Variants in CLDN14 observed in about 807,000 individuals in gnomAD.
The protein encoded by CLDN14 is claudin-14.
In CLDN14, 2 loss-of-function variants were observed where a neutral mutation model predicts 2.1. The ratio of observed to expected loss-of-function variants is 0.96; its 90% CI spans 0.39 to 3.01. The LOEUF is 3.01. CLDN14 is among the 30% of genes most tolerant of loss of function. CLDN14 has a pLI of 0.09. For synonymous variants in CLDN14, 136 were observed against 154.4 expected, an observed-to-expected ratio of 0.88 and a Z score of 0.88; for missense variants, 298 against 328.0, an observed-to-expected ratio of 0.91 and a Z score of 0.71.
rs984776225 is a variant in CLDN14, at chr21:36,531,267, A to T, written c.-219-20767T>A. On this transcript the variant is annotated intron_variant, in intron 1 of 2. Transcript: ENST00000342108. Reference sequence around the variant, plus strand: ...ATGTTATAGAAATTTTAGGGAAATAAATATATATATATTTGCTATAAATGT... The same window carrying T: ...ATGTTATAGAAATTTTAGGGAAATATATATATATATATTTGCTATAAATGT... Among the ~76,000 whole-genome samples, 4 of 151,564 alleles carry T rather than the reference A, an allele frequency of 2.6e-5. No homozygotes were observed. In the East Asian group the frequency reaches 5.8e-4, roughly 22 times the overall value.
intron 1 of CLDN14, among the ~76,000 whole-genome samples, chr21:36,515,527 T>C (rs564334255): frequency 5.9e-5 from 9 of 151,284 alleles, no homozygotes; most frequent in African/African-American, 2.2e-4. Flanking sequence ...ACAAAAATGA[T>C]CTGGGCATGG....
intron 1 of CLDN14, among the ~76,000 whole-genome samples, chr21:36,563,669 T>C (rs896209501): frequency 1.3e-5 from 2 of 152,104 alleles, no homozygotes; most frequent in African/African-American, 4.8e-5. Context: ...TATTAGAAAA[T>C]GTTGGCTCCC....
intron 1 of CLDN14, among the ~76,000 whole-genome samples, chr21:36,561,253 G>A (rs567670154): frequency 1.8e-4 from 27 of 152,318 alleles, no homozygotes; most frequent in Admixed American, 5.9e-4. Flanking sequence ...TCAGGGACAG[G>A]GAGAAGAGAC....
At position 36,504,951 on chromosome 21, in the gene CLDN14, T is replaced by C. The variant is rs199620437; in HGVS notation, c.-82+5412A>G. On this transcript the variant is annotated intron_variant, in intron 2 of 2. Coordinates refer to the CLDN14 transcript ENST00000342108. ...GTCCTGAGCTTGAAGCCAAGCCCAG[T>C]GTTAACCCTGGGCATTGACCCAGGC... 3.9e-5 allele frequency among the ~76,000 whole-genome samples: 6 copies of C among 152,174 alleles called. No homozygotes were observed. The East Asian group carries it at 1.2e-3, about 29-fold the overall frequency.
chr21:36,482,305 T>C (rs1165983587), upstream of CLDN14, among the ~76,000 whole-genome samples: 3 of 151,810 alleles, frequency 2.0e-5, no homozygotes, highest in Non-Finnish European at 1.5e-5. Flanking sequence ...CTGGGTATGA[T>C]GGAAGTTAGT....
chr21:36,568,179 G>C (rs1568884079), intron 1 of CLDN14, among the ~76,000 whole-genome samples: 1 of 152,184 alleles, frequency 6.6e-6, no homozygotes, highest in Non-Finnish European at 1.5e-5. Context: ...AGGAATTGCA[G>C]GTCACCTGGG....
intron 1 of CLDN14, among the ~76,000 whole-genome samples, chr21:36,554,176 T>C (rs1199153509): frequency 6.6e-6 from 1 of 152,162 alleles, no homozygotes; most frequent in East Asian, 1.9e-4. Context: ...GTTTTGACAT[T>C]TGGAGGCCAC....
At chr21:36,537,881 C>A (rs1314710392) in intron 1 of CLDN14, among the ~76,000 whole-genome samples, 3 of 152,146 alleles carry the variant, frequency 2.0e-5, no homozygotes, top group Admixed American at 1.3e-4. Context: ...AACTCCTGAC[C>A]TAGTGATCTG....
intron 1 of CLDN14, among the ~76,000 whole-genome samples, chr21:36,531,692 GTTT>G (rs11318014): frequency 1.6e-5 from 2 of 128,578 alleles, no homozygotes; most frequent in Admixed American, 1.5e-4. Context: ...GTCTTTGTCT[GTTT>G]TTTTTTTTTT....
chr21:36,481,970 G>A (rs1483918775), upstream of CLDN14, among the ~76,000 whole-genome samples: 1 of 152,164 alleles, frequency 6.6e-6, no homozygotes, highest in Non-Finnish European at 1.5e-5. Context: ...AAATGAGGGG[G>A]TAGAGAGGCT....
chr21:36,570,537 A>C (rs1223919526), intron 1 of CLDN14, among the ~76,000 whole-genome samples: 1 of 152,220 alleles, frequency 6.6e-6, no homozygotes, highest in Non-Finnish European at 1.5e-5. Flanking sequence ...TCTAACTTCC[A>C]ATGTACAGGG....
rs2000545 is a variant in CLDN14 at position 36,499,880 on chromosome 21, C to T, written c.-82+10483G>A. 0.53 allele frequency among the ~76,000 whole-genome samples: 80,507 copies of T among 151,672 alleles called. 22,219 individuals carry two copies. The highest frequency in any genetic ancestry group is 0.62 in the Non-Finnish European group (42,317 of 67,920). Reference sequence around the variant, plus strand: ...GCAACATTTTCACAACATCAGGGGGCTGGTGGAGAAAATCGGGGGGTCTCC... The same window carrying T: ...GCAACATTTTCACAACATCAGGGGGTTGGTGGAGAAAATCGGGGGGTCTCC... On this transcript the variant is annotated intron_variant, in intron 2 of 2. Transcript: ENST00000342108. The surrounding 1 kb of genome is among the most constrained non-coding windows in gnomAD (Gnocchi z 4.7).
At chr21:36,520,322 G>A (rs992035302) in intron 1 of CLDN14, among the ~76,000 whole-genome samples, 2 of 152,196 alleles carry the variant, frequency 1.3e-5, no homozygotes, top group Admixed American at 6.5e-5. Context: ...TCTCAGGGAA[G>A]CTGATATGGT....
chr21:36,468,180 A>G (rs2086669073), intron 1 of CLDN14, among the ~76,000 whole-genome samples: 1 of 152,244 alleles, frequency 6.6e-6, no homozygotes. Flanking sequence ...TTGGCCCTTC[A>G]ACGTTGATGT....
intron 1 of CLDN14, among the ~76,000 whole-genome samples, chr21:36,537,262 A>C (rs893593639): frequency 7.9e-5 from 12 of 152,164 alleles, no homozygotes; most frequent in Admixed American, 7.9e-4. Context: ...AAAAAAATCC[A>C]GGCTGTGGGG....
intron 1 of CLDN14, among the ~76,000 whole-genome samples, chr21:36,519,580 C>T (rs1341431555): frequency 6.6e-6 from 1 of 152,098 alleles, no homozygotes; most frequent in Non-Finnish European, 1.5e-5. Context: ...TGTGGTGGCA[C>T]ATGCCTGTAG....
intron 1 of CLDN14, among the ~76,000 whole-genome samples, chr21:36,463,306 G>A (rs1040771221): frequency 1.3e-5 from 2 of 152,230 alleles, no homozygotes; most frequent in African/African-American, 4.8e-5. Flanking sequence ...AGAATCAGTA[G>A]GCAAAACCTG....
In CLDN14 at chr21:36,461,400, A is replaced by T. The variant is rs1297374648; in HGVS notation, c.296T>A (p.Val99Asp). Residue 99 changes from valine to aspartate, a missense_variant, in exon 2 of 2, where the codon GTC (valine) becomes GAC (aspartate). Transcript: ENST00000399135. ...LLSGIACACA[V>D]IGMKCTRCAK... ...GCAGCGCGTGCACTTCATCCCGATG[A>T]CGGCGCAGGCGCAGGCTATGCCCGA... 1 of 1,613,148 alleles carries T rather than the reference A, an allele frequency of 6.2e-7. No homozygotes were observed. Among genetic ancestry groups the T allele is most frequent in the East Asian group, 2.2e-5 (1 of 44,860 alleles).
intron 1 of CLDN14, among the ~76,000 whole-genome samples, chr21:36,571,353 G>T (rs958218211): frequency 1.3e-5 from 2 of 152,150 alleles, no homozygotes; most frequent in Non-Finnish European, 2.9e-5. Flanking sequence ...AGTATGTAAG[G>T]TTGTGCAATG....
Sources: gnomAD v4.1 joint callset for allele counts (sites outside exome capture counted in the v4.1 genomes callset) on GRCh38, gnomAD v4.1.1 for gene constraint, Gnocchi (gnomAD v3.1) non-coding constraint, MANE v1.5 for transcripts, NCBI Gene and HGNC (gene_info 2026-07-23, HGNC 2026-07-21) for gene names.